CNGB3: variants seen among roughly 807,000 people sequenced by gnomAD.
CNGB3 encodes cyclic nucleotide gated channel subunit beta 3.
A neutral mutation model predicts 92.8 loss-of-function variants in CNGB3; 86 were observed. The ratio of observed to expected loss-of-function variants is 0.93; its 90% CI spans 0.78 to 1.11. The LOEUF (loss-of-function observed/expected upper bound fraction) is 1.11. CNGB3 is among the 50% of genes least tolerant of loss of function. The pLI is 0.00. For synonymous variants in CNGB3, 333 were observed against 332.7 expected (o/e 1.00, Z -0.01); for missense variants, 1,026 against 956.8 (o/e 1.07, Z -0.95).
chr8:86,728,002 C>T (rs1825092874), intron 2 of CNGB3, among the ~76,000 whole-genome samples: 1 of 152,046 alleles, frequency 6.6e-6, no homozygotes, highest in Admixed American at 6.6e-5. Context: ...AAAATTGAGT[C>T]ACTCCTTAAA....
chr8:86,588,807 T>G (rs1258076198), intron 15 of CNGB3, among the ~76,000 whole-genome samples: 11 of 151,860 alleles, frequency 7.2e-5, no homozygotes, highest in East Asian at 5.8e-4. Flanking sequence ...CTCTTTTTTG[T>G]TTGTGTCTCT....
intron 3 of CNGB3, among the ~76,000 whole-genome samples, chr8:86,700,544 T>A (rs1824535314): frequency 6.6e-6 from 1 of 152,222 alleles, no homozygotes; most frequent in Non-Finnish European, 1.5e-5. Context: ...TACTTCCTTT[T>A]CTCCTCACAT....
At chr8:86,623,148 T>C (rs1054783700) in intron 13 of CNGB3, among the ~76,000 whole-genome samples, 2 of 152,188 alleles carry the variant, frequency 1.3e-5, no homozygotes, top group African/African-American at 2.4e-5. Flanking sequence ...AGTGATCACA[T>C]TGAGTCCTTT....
chr8:86,624,855 C>T (rs1822814526), intron 13 of CNGB3, among the ~76,000 whole-genome samples: 1 of 152,136 alleles, frequency 6.6e-6, no homozygotes, highest in Non-Finnish European at 1.5e-5. Flanking sequence ...GTGATTAAAT[C>T]ACAGGGGCGG....
At chr8:86,683,895 A>G (rs1048466397) in intron 3 of CNGB3, among the ~76,000 whole-genome samples, 6 of 152,190 alleles carry the variant, frequency 3.9e-5, no homozygotes, top group Admixed American at 3.3e-4. Flanking sequence ...TTAGAAAACA[A>G]TAGGGAGAAG....
At chr8:86,663,999 C>A (rs1222398260) in intron 6 of CNGB3, among the ~76,000 whole-genome samples, 1 of 152,154 alleles carries the variant, frequency 6.6e-6, no homozygotes, top group Non-Finnish European at 1.5e-5. Flanking sequence ...TTTCTCCCCC[C>A]TTGTGAGTCT....
intron 3 of CNGB3, among the ~76,000 whole-genome samples, chr8:86,714,687 T>C (rs1314226767): frequency 1.4e-5 from 2 of 146,992 alleles, no homozygotes; most frequent in East Asian, 3.9e-4. Flanking sequence ...GCAGGCTCCC[T>C]GAGATGCTGA....
At chr8:86,710,995 AC>A (rs1329709158) in intron 3 of CNGB3, among the ~76,000 whole-genome samples, 2 of 152,180 alleles carry the variant, frequency 1.3e-5, no homozygotes, top group East Asian at 3.9e-4. Context: ...TAAACTGGTG[AC>A]CTATAGCTGT....
chr8:86,620,136 G>A (rs977123370), intron 13 of CNGB3, among the ~76,000 whole-genome samples: 1 of 152,154 alleles, frequency 6.6e-6, no homozygotes, highest in Non-Finnish European at 1.5e-5. Context: ...GAAGAAAGCC[G>A]TGCTCAAACT....
intron 3 of CNGB3, among the ~76,000 whole-genome samples, chr8:86,679,172 C>A (rs112042325): frequency 0.012 from 1,894 of 152,036 alleles, 35 homozygotes; most frequent in African/African-American, 0.044. Context: ...TTATTTTGCA[C>A]CAGGAAAGCT....
intron 13 of CNGB3, among the ~76,000 whole-genome samples, chr8:86,613,684 T>C (rs1195759483): frequency 1.3e-5 from 2 of 151,838 alleles, no homozygotes; most frequent in African/African-American, 4.8e-5. Context: ...TAAATAATTT[T>C]AATTTTTGGC....
At chr8:86,626,841 T>C (rs547301043) in intron 12 of CNGB3, among the ~76,000 whole-genome samples, 68 of 152,292 alleles carry the variant, frequency 4.5e-4, no homozygotes, top group Non-Finnish European at 8.5e-4. Flanking sequence ...CTATTCTTTT[T>C]TTTTTCTTTT....
rs574881995 is a variant in CNGB3 at position 86,614,670 on chromosome 8, T to A, written c.1579-2999A>T. Among the ~76,000 whole-genome samples the A allele has an allele frequency of 3.3e-5, 5 of 152,230 alleles. No homozygotes were observed. In the South Asian group the frequency reaches 1.0e-3, roughly 32 times the overall value. On this transcript the variant is annotated intron_variant, in intron 13 of 17. Transcript: ENST00000320005. ...CTAGGGAGTGGCTATCTTATAGGAATAAACTGGACACGGGTCAGACGAAAG... is the reference window on the plus strand; with the variant it reads ...CTAGGGAGTGGCTATCTTATAGGAAAAAACTGGACACGGGTCAGACGAAAG...
At chr8:86,592,680 T>C (rs1294649924) in intron 15 of CNGB3, among the ~76,000 whole-genome samples, 2 of 152,236 alleles carry the variant, frequency 1.3e-5, no homozygotes, top group African/African-American at 4.8e-5. Context: ...TCTAAATACA[T>C]TTTCTCATGT....
chr8:86,648,828 A>G (rs1183555692), intron 7 of CNGB3, among the ~76,000 whole-genome samples: 3 of 151,468 alleles, frequency 2.0e-5, no homozygotes, highest in Middle Eastern at 6.8e-3. Context: ...AGAAAGAAAT[A>G]AAGGGCATTC....
At chr8:86,672,137 C>T (rs560130846) in intron 3 of CNGB3, among the ~76,000 whole-genome samples, 37 of 152,076 alleles carry the variant, frequency 2.4e-4, no homozygotes, top group African/African-American at 3.4e-4. Context: ...CTCACGTTGT[C>T]GCCCAGGCTG....
intron 3 of CNGB3, among the ~76,000 whole-genome samples, chr8:86,679,226 C>T (rs997732329): frequency 6.6e-5 from 10 of 151,920 alleles, no homozygotes; most frequent in African/African-American, 2.4e-4. Flanking sequence ...AGTTAACATT[C>T]CTCTCTTTCA....
At chr8:86,632,384 G>C (rs1563733866) in intron 11 of CNGB3, among the ~76,000 whole-genome samples, 1 of 151,960 alleles carries the variant, frequency 6.6e-6, no homozygotes, top group African/African-American at 2.4e-5. Context: ...GTAGCCTCTG[G>C]TTTAAATGAC....
At chr8:86,720,146 T>A (rs756611588) in intron 3 of CNGB3, among the ~76,000 whole-genome samples, 2 of 152,074 alleles carry the variant, frequency 1.3e-5, no homozygotes, top group Non-Finnish European at 2.9e-5. Flanking sequence ...GATACATAGA[T>A]GGGATTTAAT....
Sources: gnomAD v4.1 joint callset for allele counts (sites outside exome capture counted in the v4.1 genomes callset) on GRCh38, gnomAD v4.1.1 for gene constraint, MANE v1.5 for transcripts, NCBI Gene and HGNC (gene_info 2026-07-23, HGNC 2026-07-21) for gene names.